The following LUZP2 variants were observed in gnomAD, a reference collection of about 807,000 sequenced individuals.
LUZP2 encodes the protein leucine zipper protein 2.
A neutral mutation model predicts 51.6 loss-of-function variants in LUZP2; 52 were observed. The observed-to-expected ratio is 1.01, with a 90% CI of 0.81 to 1.27. The LOEUF (loss-of-function observed/expected upper bound fraction) is 1.27. LUZP2 is among the 50% of genes most tolerant of loss of function. LUZP2 has a pLI of 0.00. For missense variants in LUZP2, 436 were observed against 395.4 expected (o/e 1.10, Z -0.87); for synonymous variants, 154 against 137.3 (o/e 1.12, Z -0.85).
intron 9 of LUZP2, among the ~76,000 whole-genome samples, chr11:25,008,804 T>C (rs78080458): frequency 0.019 from 2,911 of 152,212 alleles, 37 homozygotes; most frequent in Middle Eastern, 0.037. Flanking sequence ...AATGTGTGAC[T>C]GAGTCCAGGG....
intron 1 of LUZP2, among the ~76,000 whole-genome samples, chr11:24,518,584 A>C (rs1037262419): frequency 6.6e-6 from 1 of 152,240 alleles, no homozygotes; most frequent in African/African-American, 2.4e-5. Flanking sequence ...TTAGAATGTT[A>C]AGATGATAAC....
chr11:25,011,183 C>G (rs912924910), intron 9 of LUZP2, among the ~76,000 whole-genome samples: 2 of 152,082 alleles, frequency 1.3e-5, no homozygotes, highest in Admixed American at 1.3e-4. Context: ...TCAGTGAATG[C>G]TCAATGAACA....
chr11:24,963,547 G>A lies in LUZP2; in HGVS notation c.523-13044G>A, dbSNP rs553323893. 3.9e-3 allele frequency among the ~76,000 whole-genome samples: 596 copies of A among 152,240 alleles called. 2 individuals carry two copies. The highest frequency in any genetic ancestry group is 0.013 in the African/African-American group (543 of 41,550). The stretch of plus-strand genomic sequence containing the variant: ...CTGTGCTAGCAACCAGCGAGACTCC[G>A]TGGGCATAGGACCCTCCGAGCCATG... On this transcript the variant is annotated intron_variant, in intron 7 of 11. Coordinates refer to ENST00000336930, the MANE Select transcript of LUZP2 (RefSeq NM_001009909.4).
At chr11:24,959,501 T>A (rs1326671481) in intron 7 of LUZP2, among the ~76,000 whole-genome samples, 1 of 152,168 alleles carries the variant, frequency 6.6e-6, no homozygotes, top group East Asian at 1.9e-4. Flanking sequence ...CTAGGTATTT[T>A]ATTCTCTTTG....
chr11:24,715,840 G>A (rs570123932), intron 1 of LUZP2, among the ~76,000 whole-genome samples: 3 of 152,118 alleles, frequency 2.0e-5, no homozygotes, highest in Admixed American at 2.0e-4. Flanking sequence ...CCTCCATGTA[G>A]AAGGATCCAA....
chr11:24,860,912 T>C (rs918016088), intron 5 of LUZP2, among the ~76,000 whole-genome samples: 8 of 152,104 alleles, frequency 5.3e-5, no homozygotes, highest in African/African-American at 1.9e-4. Flanking sequence ...CTCCAAATGA[T>C]CGCAACATTT....
At chr11:24,716,064 C>T (rs1470566842) in intron 1 of LUZP2, among the ~76,000 whole-genome samples, 1 of 151,986 alleles carries the variant, frequency 6.6e-6, no homozygotes, top group Non-Finnish European at 1.5e-5. Context: ...AAAATGTCTA[C>T]CACATGTCTG....
chr11:24,973,419 T>C (rs571859512), intron 7 of LUZP2, among the ~76,000 whole-genome samples: 5 of 149,442 alleles, frequency 3.3e-5, no homozygotes, highest in Admixed American at 6.7e-5. Flanking sequence ...TTTTTGAAGG[T>C]TATTTTGTGT....
At chr11:24,688,084 G>A (rs927424070) in intron 1 of LUZP2, among the ~76,000 whole-genome samples, 14 of 151,970 alleles carry the variant, frequency 9.2e-5, no homozygotes, top group Admixed American at 2.6e-4. Flanking sequence ...ACTGGTCAAG[G>A]TCAGGTATAT....
intron 1 of LUZP2, among the ~76,000 whole-genome samples, chr11:24,502,919 G>A (rs1850042188): frequency 6.6e-6 from 1 of 152,124 alleles, no homozygotes; most frequent in Non-Finnish European, 1.5e-5. Context: ...AGACTTGAAA[G>A]TTTTTATGAC....
At chr11:25,046,488 T>C (rs1858314253) in intron 9 of LUZP2, among the ~76,000 whole-genome samples, 1 of 152,132 alleles carries the variant, frequency 6.6e-6, no homozygotes, top group Non-Finnish European at 1.5e-5. Context: ...ACCCTAATTT[T>C]ACCTTCTCTT....
chr11:24,981,830 A>G (rs1856040245), intron 8 of LUZP2, among the ~76,000 whole-genome samples: 1 of 151,982 alleles, frequency 6.6e-6, no homozygotes, highest in Admixed American at 6.6e-5. Flanking sequence ...GACAACCTAT[A>G]GAATAGGTGG....
At chr11:24,734,730 C>A (rs1207200657) in intron 3 of LUZP2, among the ~76,000 whole-genome samples, 1 of 151,870 alleles carries the variant, frequency 6.6e-6, no homozygotes, top group African/African-American at 2.4e-5. Flanking sequence ...CAAAATCTGA[C>A]TTATTAGTAA....
At chr11:24,705,741 T>A (rs1250582206) in intron 1 of LUZP2, among the ~76,000 whole-genome samples, 8 of 152,196 alleles carry the variant, frequency 5.3e-5, no homozygotes, top group Admixed American at 5.2e-4. Context: ...TTTCCTACAG[T>A]GCCTGGACTG....
chr11:24,848,699 T>G (rs56750901), intron 5 of LUZP2, among the ~76,000 whole-genome samples: 2,121 of 152,310 alleles, frequency 0.014, 55 homozygotes, highest in African/African-American at 0.047. Flanking sequence ...CTGTTAGAGT[T>G]TGCCATCATT....
chr11:24,776,426 C>T (rs80288791), intron 5 of LUZP2, among the ~76,000 whole-genome samples: 4 of 152,072 alleles, frequency 2.6e-5, no homozygotes, highest in Non-Finnish European at 4.4e-5. Flanking sequence ...ATGAAATTTA[C>T]CCTACTCAAA....
At position 24,729,304 on chromosome 11, in the gene LUZP2, T is replaced by G. The variant is rs566076736; in HGVS notation, c.180+18T>G. The G allele has an allele frequency of 1.5e-6, 2 of 1,353,328 alleles. No homozygotes were observed. The highest frequency in any genetic ancestry group is 2.8e-5 in the South Asian group (2 of 71,198). 83.8% of individuals were successfully genotyped at this position (1,353,328 alleles called of 1,614,324 possible). ...ATCTTCAGGTGAGATGAGAACTCAT[T>G]TTCCGAGCAGTAAAAGAGGAGCAGT... On this transcript the variant is annotated intron_variant, in intron 2 of 11. Coordinates refer to ENST00000336930, the MANE Select transcript of LUZP2 (RefSeq NM_001009909.4).
intron 5 of LUZP2, among the ~76,000 whole-genome samples, chr11:24,780,277 G>A (rs970273398): frequency 9.2e-5 from 14 of 152,010 alleles, no homozygotes; most frequent in Non-Finnish European, 1.5e-4. Flanking sequence ...CCATTGGATA[G>A]AATTTATAGA....
intron 5 of LUZP2, among the ~76,000 whole-genome samples, chr11:24,866,113 TACACACACACACAC>T (rs60308723): frequency 1.7e-4 from 25 of 146,818 alleles, no homozygotes; most frequent in East Asian, 6.0e-4. Flanking sequence ...CTGCATTTCA[TACACACACACACAC>T]ACACACACAC....
Sources: gnomAD v4.1 joint callset for allele counts (sites outside exome capture counted in the v4.1 genomes callset) on GRCh38, gnomAD v4.1.1 for gene constraint, MANE v1.5 for transcripts, NCBI Gene and HGNC (gene_info 2026-07-23, HGNC 2026-07-21) for gene names.